The following SPRED1 variants were observed in gnomAD, a reference collection of about 807,000 sequenced individuals.
The protein encoded by SPRED1 is sprouty related EVH1 domain containing 1.
In SPRED1, 18 loss-of-function variants were observed where a neutral mutation model predicts 52.3. That is an observed-to-expected ratio of 0.34 (90% CI 0.24 to 0.51). The LOEUF (loss-of-function observed/expected upper bound fraction) is 0.51, where lower values mean the gene tolerates loss of function less well. Among genes scored for constraint, SPRED1 ranks in the 20% least tolerant of loss-of-function variants. The pLI is 0.97. For missense variants in SPRED1, 485 were observed against 551.0 expected, an observed-to-expected ratio of 0.88 and a Z score of 1.20; for synonymous variants, 155 against 179.7, an observed-to-expected ratio of 0.86 and a Z score of 1.10.
At chr15:38,316,946 T>C (rs1423489770) in intron 2 of SPRED1, among the ~76,000 whole-genome samples, 1 of 151,722 alleles carries the variant, frequency 6.6e-6, no homozygotes, top group African/African-American at 2.4e-5. Flanking sequence ...TTTATAGTTA[T>C]TCTTGTTGAT....
At chr15:38,350,481 G>A (rs73400432) in intron 6 of SPRED1, among the ~76,000 whole-genome samples, 4,899 of 152,246 alleles carry the variant, frequency 0.032, 123 homozygotes, top group Middle Eastern at 0.051. Flanking sequence ...AATTTGAAGA[G>A]GACATAAGTC....
intron 1 of SPRED1, among the ~76,000 whole-genome samples, chr15:38,257,371 A>C (rs1424242740): frequency 1.3e-5 from 2 of 152,244 alleles, no homozygotes; most frequent in South Asian, 4.1e-4. Context: ...TTTTCTCTGA[A>C]TTTATGCATT....
At chr15:38,306,940 T>G (rs904400764) in intron 2 of SPRED1, among the ~76,000 whole-genome samples, 9 of 152,198 alleles carry the variant, frequency 5.9e-5, no homozygotes, top group African/African-American at 2.2e-4. Context: ...ACTGGTTGAT[T>G]TGGTCTGTCA....
chr15:38,317,401 T>C (rs192319038), intron 2 of SPRED1, among the ~76,000 whole-genome samples: 1 of 152,064 alleles, frequency 6.6e-6, no homozygotes, highest in East Asian at 1.9e-4. Context: ...TCCCTTTACC[T>C]CATTTCTCCT....
intron 1 of SPRED1, among the ~76,000 whole-genome samples, chr15:38,293,915 A>T (rs1358027879): frequency 6.6e-6 from 1 of 152,178 alleles, no homozygotes; most frequent in Non-Finnish European, 1.5e-5. Flanking sequence ...TATGAATACT[A>T]GTAATCTCCT....
intron 1 of SPRED1, among the ~76,000 whole-genome samples, chr15:38,281,415 G>A (rs1894684701): frequency 6.6e-6 from 1 of 151,880 alleles, no homozygotes; most frequent in East Asian, 1.9e-4. Flanking sequence ...TTTTTGAGAC[G>A]GGAGTCTCTG....
At chr15:38,293,743 C>G (rs1285668841) in intron 1 of SPRED1, among the ~76,000 whole-genome samples, 1 of 152,126 alleles carries the variant, frequency 6.6e-6, no homozygotes, top group Admixed American at 6.6e-5. Context: ...TACAGTAAGT[C>G]AACTACTATT....
At chr15:38,257,616 G>A (rs4405503) in intron 1 of SPRED1, among the ~76,000 whole-genome samples, 13,469 of 152,228 alleles carry the variant, frequency 0.088, 729 homozygotes, top group East Asian at 0.21. Flanking sequence ...TGGTGTATCT[G>A]AAGACCCGTG....
At chr15:38,293,210 C>T (rs1216868277) in intron 1 of SPRED1, among the ~76,000 whole-genome samples, 1 of 147,294 alleles carries the variant, frequency 6.8e-6, no homozygotes, top group African/African-American at 2.5e-5. Flanking sequence ...AGTAATTTTC[C>T]TGCCTCAGCC....
At chr15:38,334,726 T>TGG (rs1895874965) in intron 4 of SPRED1, among the ~76,000 whole-genome samples, 1 of 152,058 alleles carries the variant, frequency 6.6e-6, no homozygotes, top group African/African-American at 2.4e-5. Context: ...AGTTCCCTGC[T>TGG]GGTAGAGCCA....
chr15:38,267,187 G>T (rs1894325136), intron 1 of SPRED1, among the ~76,000 whole-genome samples: 1 of 151,990 alleles, frequency 6.6e-6, no homozygotes, highest in Non-Finnish European at 1.5e-5. Context: ...TATATCACCT[G>T]ATATACTTAA....
intron 1 of SPRED1, among the ~76,000 whole-genome samples, chr15:38,275,825 T>C (rs928181526): frequency 6.6e-6 from 1 of 152,192 alleles, no homozygotes; most frequent in Non-Finnish European, 1.5e-5. Flanking sequence ...CTCTTTACAG[T>C]TGGAGAAAAC....
rs1344712018 is a variant in SPRED1 at position 38,354,043 on chromosome 15, G to A, written c.*2379G>A. 6.6e-6 allele frequency: 1 copy of A among 152,496 alleles called. No homozygotes were observed. Among genetic ancestry groups the A allele is most frequent in the Non-Finnish European group, 1.5e-5 (1 of 68,014 alleles). 9.4% of individuals were successfully genotyped at this position (152,496 alleles called of 1,614,324 possible). ...AACAAGTTTCTTCATTAAAAACTAT[G>A]GTGATGAAATGGTTTTTATTTTACC... On this transcript the variant is annotated 3_prime_UTR_variant, in exon 7 of 7. Transcript: ENST00000299084.
intron 4 of SPRED1, among the ~76,000 whole-genome samples, chr15:38,334,065 A>G (rs1895859735): frequency 6.6e-6 from 1 of 152,102 alleles, no homozygotes; most frequent in African/African-American, 2.4e-5. Context: ...AAAATGCTCA[A>G]TATATTTTAG....
At chr15:38,324,704 T>A in intron 3 of SPRED1, 59 bp from the exon 4 acceptor site, 1 of 1,309,138 alleles carries the variant, frequency 7.6e-7, no homozygotes, top group Non-Finnish European at 1.1e-6. Context: ...AATTAGTCAT[T>A]AATACTGGAC....
At chr15:38,350,047 G>T (rs771479700) in intron 6 of SPRED1, among the ~76,000 whole-genome samples, 3 of 152,154 alleles carry the variant, frequency 2.0e-5, no homozygotes, top group Non-Finnish European at 4.4e-5. Context: ...GGTATTTTAC[G>T]TCATTGTTCA....
rs145862507 is a variant in SPRED1, at chr15:38,318,704, C to T, written c.208-3537C>T. On this transcript the variant is annotated intron_variant, in intron 2 of 6. Transcript: ENST00000299084. The stretch of plus-strand genomic sequence containing the variant: ...TGTGGTGTTTGGCTTTCGGTTCCTA[C>T]ATTAATTTGCTTAGGATAATGGCCT... 1.2e-4 allele frequency among the ~76,000 whole-genome samples: 18 copies of T among 152,272 alleles called. No individual in the cohort carries two copies. In the East Asian group the frequency reaches 3.3e-3, roughly 28 times the overall value.
chr15:38,287,675 A>G (rs1448571559), intron 1 of SPRED1, among the ~76,000 whole-genome samples: 1 of 152,224 alleles, frequency 6.6e-6, no homozygotes, highest in Non-Finnish European at 1.5e-5. Flanking sequence ...GAACATGTAC[A>G]CACTTCAAAA....
chr15:38,325,502 G>A (rs2140997212), intron 4 of SPRED1, among the ~76,000 whole-genome samples: 1 of 151,926 alleles, frequency 6.6e-6, no homozygotes. Flanking sequence ...GGCTGGGTTG[G>A]CAGAATGGGC....
Sources: gnomAD v4.1 joint callset for allele counts (sites outside exome capture counted in the v4.1 genomes callset) on GRCh38, gnomAD v4.1.1 for gene constraint, MANE v1.5 for transcripts, NCBI Gene and HGNC (gene_info 2026-07-23, HGNC 2026-07-21) for gene names.